The following KIF13A variants were observed in gnomAD, a reference collection of about 807,000 sequenced individuals.
KIF13A encodes the protein kinesin-like protein KIF13A.
Under a neutral mutation model 212.2 loss-of-function variants are expected in KIF13A, and 79 were observed. That is an observed-to-expected ratio of 0.37 (90% CI 0.31 to 0.45). KIF13A has a LOEUF of 0.45. Ranked by LOEUF, KIF13A falls within the 20% of genes least tolerant of loss-of-function variation. The pLI, the probability that KIF13A is intolerant of heterozygous loss-of-function variation, is 1.00. For missense variants in KIF13A, 1,901 were observed against 2,209.0 expected, an observed-to-expected ratio of 0.86 and a Z score of 2.79; for synonymous variants, 789 against 808.6, an observed-to-expected ratio of 0.98 and a Z score of 0.41.
chr6:17,850,322 C>A lies in KIF13A; in HGVS notation c.717+1G>T. 6.2e-7 allele frequency: 1 copy of A among 1,611,986 alleles called. No homozygotes were observed. The highest frequency in any genetic ancestry group is 8.5e-7 in the Non-Finnish European group (1 of 1,178,724). On this transcript the variant is annotated splice_donor_variant, in intron 8 of 38. Coordinates refer to ENST00000259711, the MANE Select transcript of KIF13A (RefSeq NM_022113.6). LOFTEE classifies it high-confidence loss of function. The surrounding 1 kb of genome is among the most constrained non-coding windows in gnomAD (Gnocchi z 6.2). ...CAAAAAGGTTCTGCCTAATCCCTTA[C>A]CCCAGACTGCAGGTCATAAAGTGTC...
chr6:17,780,244 T>C (rs1480992085), intron 31 of KIF13A, among the ~76,000 whole-genome samples: 7 of 152,336 alleles, frequency 4.6e-5, no homozygotes, highest in East Asian at 1.9e-4. Flanking sequence ...TGCTTCTCTC[T>C]CCCATCTGCT....
At chr6:17,970,011 C>T (rs1386383033) in intron 2 of KIF13A, among the ~76,000 whole-genome samples, 2 of 151,972 alleles carry the variant, frequency 1.3e-5, no homozygotes. Context: ...AAAGCTCTGC[C>T]TCCCGGGTTC....
chr6:17,940,376 G>A (rs1776857812), intron 2 of KIF13A, among the ~76,000 whole-genome samples: 1 of 152,204 alleles, frequency 6.6e-6, no homozygotes, highest in African/African-American at 2.4e-5. Flanking sequence ...TAATGCTGCT[G>A]ATCCACAAGG....
chr6:17,808,348 T>C (rs968780441), intron 18 of KIF13A, among the ~76,000 whole-genome samples: 1 of 151,950 alleles, frequency 6.6e-6, no homozygotes, highest in Non-Finnish European at 1.5e-5. Context: ...ATCATGCCAT[T>C]GCACTCCAGC....
At position 17,855,912 on chromosome 6, in the gene KIF13A, T is replaced by C. The variant is rs1056857919; in HGVS notation, c.313+118A>G. The C allele has an allele frequency of 7.0e-6, 5 of 712,790 alleles. No homozygotes were observed. In the African/African-American group the frequency reaches 7.2e-5, roughly 10 times the overall value. The allele number at this position is 712,790 out of a possible 1,614,324, so 44.2% of individuals were successfully genotyped here. A position where few individuals can be genotyped will look rare whatever the true frequency, so the allele number is the denominator to read the frequency against. ...GTTTTTATAAAGACGGGTCTTACTATGTTGCCCAGGCTGGTCTCAAACTCC... is the reference window on the plus strand; with the variant it reads ...GTTTTTATAAAGACGGGTCTTACTACGTTGCCCAGGCTGGTCTCAAACTCC... On this transcript the variant is annotated intron_variant, in intron 5 of 38. Transcript: ENST00000259711. This position sits in a 1 kb window ranked among gnomAD's most constrained non-coding sequence, Gnocchi z 4.1.
At chr6:17,869,005 A>C (rs931350961) in intron 4 of KIF13A, among the ~76,000 whole-genome samples, 75 of 148,830 alleles carry the variant, frequency 5.0e-4, no homozygotes, top group African/African-American at 1.7e-3. Flanking sequence ...AAAAAAAAAA[A>C]AAAAAAAAAA....
At chr6:17,866,812 G>A (rs1769413257) in intron 4 of KIF13A, among the ~76,000 whole-genome samples, 1 of 129,856 alleles carries the variant, frequency 7.7e-6, no homozygotes. Context: ...GTAAAGGGGA[G>A]AACAAAAAAG....
rs1415805131 is a variant in KIF13A at position 17,825,597 on chromosome 6, TCC to T, written c.1786+169_1786+170del. Among the ~76,000 whole-genome samples the T allele has an allele frequency of 3.9e-5, 6 of 152,108 alleles. No individual in the cohort carries two copies. The East Asian group carries it at 1.2e-3, about 29-fold the overall frequency. Reference sequence around the variant, plus strand: ...ATTGTAACTGAGGGAGAAGACCATCTCCCCCACATCTTGTCATTAGTTATTCA... The same window carrying T: ...ATTGTAACTGAGGGAGAAGACCATCTCCCACATCTTGTCATTAGTTATTCA... On this transcript the variant is annotated intron_variant, in intron 16 of 38. Coordinates refer to ENST00000259711, the MANE Select transcript of KIF13A (RefSeq NM_022113.6). This position sits in a 1 kb window ranked among gnomAD's most constrained non-coding sequence, Gnocchi z 4.5.
chr6:17,874,186 C>T (rs1217503998), intron 3 of KIF13A, among the ~76,000 whole-genome samples: 1 of 152,046 alleles, frequency 6.6e-6, no homozygotes, highest in South Asian at 2.1e-4. Context: ...CTGTAGCATA[C>T]TGAAGTTCAA....
intron 2 of KIF13A, among the ~76,000 whole-genome samples, chr6:17,939,956 C>T (rs1388820596): frequency 4.0e-5 from 6 of 149,412 alleles, no homozygotes; most frequent in South Asian, 2.1e-4. Flanking sequence ...AGGAGAATGG[C>T]GTGAACCTGG....
At chr6:17,818,177 G>A (rs760873107) in intron 16 of KIF13A, among the ~76,000 whole-genome samples, 62 of 152,290 alleles carry the variant, frequency 4.1e-4, no homozygotes, top group Middle Eastern at 3.4e-3. Context: ...AACTATATTG[G>A]ACTGAGAGAT....
At chr6:17,835,629 A>G (rs1765888534) in intron 11 of KIF13A, among the ~76,000 whole-genome samples, 1 of 152,224 alleles carries the variant, frequency 6.6e-6, no homozygotes, top group African/African-American at 2.4e-5. Flanking sequence ...AAAAAAATCA[A>G]TAAAACACAG....
At chr6:17,807,321 AAATATT>A (rs1010793130) in intron 18 of KIF13A, among the ~76,000 whole-genome samples, 2 of 152,134 alleles carry the variant, frequency 1.3e-5, no homozygotes, top group African/African-American at 2.4e-5. Flanking sequence ...TCCTAGCAAG[AAATATT>A]AATATTAATA....
chr6:17,858,463 C>T (rs1219386572), intron 4 of KIF13A, among the ~76,000 whole-genome samples: 1 of 152,186 alleles, frequency 6.6e-6, no homozygotes, highest in African/African-American at 2.4e-5. Context: ...GTATGATAGT[C>T]TTGTGCTCAC....
Position 17,787,922 on chromosome 6 carries a change from C to T in KIF13A, c.3262-47G>A, listed in dbSNP as rs376116785. 7.7e-5 allele frequency: 77 copies of T among 994,176 alleles called. No homozygotes were observed. The highest frequency in any genetic ancestry group is 2.1e-4 in the Middle Eastern group (1 of 4,718). 61.6% of individuals were successfully genotyped at this position (994,176 alleles called of 1,614,324 possible). A position where few individuals can be genotyped will look rare whatever the true frequency, so the allele number is the denominator to read the frequency against. On this transcript the variant is annotated intron_variant, in intron 26 of 38. Coordinates refer to ENST00000259711, the MANE Select transcript of KIF13A (RefSeq NM_022113.6). This position sits in a 1 kb window ranked among gnomAD's most constrained non-coding sequence, Gnocchi z 4.6. The stretch of plus-strand genomic sequence containing the variant: ...ATTTTCCTGTAGACTGCACAGACAA[C>T]GATTTCTTTCTTTCTTTTTTTAAAA...
At chr6:17,813,881 G>C (rs909151750) in intron 17 of KIF13A, among the ~76,000 whole-genome samples, 1 of 151,384 alleles carries the variant, frequency 6.6e-6, no homozygotes, top group Non-Finnish European at 1.5e-5. Context: ...GTGAGGATTA[G>C]AGGAATACAG....
chr6:17,828,255 G>A lies in KIF13A; in HGVS notation c.1517C>T (p.Pro506Leu), dbSNP rs752846173. The change falls in exon 14 of 39, where the codon CCA (proline) becomes CTA (leucine). Residue 506 changes from proline (P) to leucine (L), a missense_variant. Pro to Leu is a moderately conservative substitution (Grantham distance 98). Transcript: ENST00000259711. The surrounding 1 kb of genome is among the most constrained non-coding windows in gnomAD (Gnocchi z 4.3). ...CTTTTCTTACCTTGCATTTTCTTTTGGAGTGAGAGTGACGTCTCCATCAGA... is the reference window on the plus strand; with the variant it reads ...CTTTTCTTACCTTGCATTTTCTTTTAGAGTGAGAGTGACGTCTCCATCAGA... Reference protein sequence around the residue: ...IASDGDVTLTPKENARSCVNG... With the variant: ...IASDGDVTLTLKENARSCVNG... The A allele has an allele frequency of 1.9e-5, 31 of 1,609,600 alleles. No individual in the cohort carries two copies. The South Asian group carries it at 3.3e-4, about 17-fold the overall frequency.
At chr6:17,920,918 T>G (rs978749097) in intron 2 of KIF13A, among the ~76,000 whole-genome samples, 4 of 151,016 alleles carry the variant, frequency 2.6e-5, no homozygotes, top group African/African-American at 9.7e-5. Context: ...AGAATAAACA[T>G]TGTAAATTGA....
chr6:17,764,413 GC>G lies in KIF13A; in HGVS notation c.5114del (p.Cys1705SerfsTer17). On this transcript the variant is annotated frameshift_variant, in exon 39 of 39. Coordinates refer to ENST00000259711, the MANE Select transcript of KIF13A (RefSeq NM_022113.6). LOFTEE classifies it low-confidence loss of function (END_TRUNC). This position sits in a 1 kb window ranked among gnomAD's most constrained non-coding sequence, Gnocchi z 5.1. The part of the protein sequence containing the change: ...RTGSCSELDA[C>X]PSKISQPARG... ...TGGCTGGCTGGCTAATTTTGCTGGG[GC>G]AGGCATCTAGTTCTGAACATGAGCC... 6.2e-7 allele frequency: 1 copy of G among 1,614,026 alleles called. No individual in the cohort carries two copies. Among genetic ancestry groups the G allele is most frequent in the Non-Finnish European group, 8.5e-7 (1 of 1,179,892 alleles).
Sources: allele counts gnomAD v4.1 joint callset (sites outside exome capture counted in the v4.1 genomes callset), GRCh38; gene constraint gnomAD v4.1.1; non-coding constraint Gnocchi (gnomAD v3.1); transcripts MANE v1.5; gene names NCBI Gene and HGNC (gene_info 2026-07-23, HGNC 2026-07-21).